The following CSMD1 variants were observed in gnomAD, a reference collection of about 807,000 sequenced individuals.
The protein encoded by CSMD1 is CUB and Sushi multiple domains 1.
A neutral mutation model predicts 417.5 loss-of-function variants in CSMD1; 213 were observed. The ratio of observed to expected loss-of-function variants is 0.51; its 90% confidence interval spans 0.46 to 0.57. The LOEUF (loss-of-function observed/expected upper bound fraction) is 0.57. Among genes scored for constraint, CSMD1 ranks in the 20% least tolerant of loss-of-function variants. The pLI is 0.00. For synonymous variants in CSMD1, 2,862 were observed against 1,736.8 expected (o/e 1.65, Z -16.11); for missense variants, 6,923 against 4,529.7 (o/e 1.53, Z -15.17).
chr8:3,330,479 G>A (rs1806820295), intron 23 of CSMD1, among the ~76,000 whole-genome samples: 1 of 152,192 alleles, frequency 6.6e-6, no homozygotes. Flanking sequence ...ATTATCGTTA[G>A]CAAACTAAGG....
At chr8:3,954,886 G>C (rs1048324272) in intron 5 of CSMD1, among the ~76,000 whole-genome samples, 1 of 152,180 alleles carries the variant, frequency 6.6e-6, no homozygotes, top group African/African-American at 2.4e-5. Flanking sequence ...TTCTGGTGGA[G>C]GGTACGTGGA....
At chr8:3,208,501 G>A (rs966399717) in intron 30 of CSMD1, among the ~76,000 whole-genome samples, 6 of 152,210 alleles carry the variant, frequency 3.9e-5, no homozygotes, top group African/African-American at 2.4e-5. Flanking sequence ...TGTTGACCTC[G>A]TGATCCACCT....
At chr8:4,977,856 C>T (rs896261721) in intron 1 of CSMD1, among the ~76,000 whole-genome samples, 3 of 152,230 alleles carry the variant, frequency 2.0e-5, no homozygotes, top group Admixed American at 2.0e-4. Flanking sequence ...TGACTAAGCA[C>T]AGTGGAAGAA....
intron 2 of CSMD1, among the ~76,000 whole-genome samples, chr8:4,583,800 C>T (rs1355006687): frequency 6.6e-6 from 1 of 152,132 alleles, no homozygotes; most frequent in Non-Finnish European, 1.5e-5. Context: ...AGAATAAAAG[C>T]AGGCTGCCCC....
chr8:3,630,342 C>G (rs1298284301), intron 7 of CSMD1, among the ~76,000 whole-genome samples: 2 of 152,208 alleles, frequency 1.3e-5, no homozygotes, highest in Non-Finnish European at 2.9e-5. Flanking sequence ...TAAAAACCCT[C>G]TTGCCCAGTA....
At chr8:4,173,479 C>G (rs897425390) in intron 3 of CSMD1, among the ~76,000 whole-genome samples, 2 of 151,980 alleles carry the variant, frequency 1.3e-5, no homozygotes, top group Admixed American at 1.3e-4. Flanking sequence ...TAAGTTGGAT[C>G]TAGAGACACA....
chr8:3,839,688 G>A (rs958222169), intron 5 of CSMD1, among the ~76,000 whole-genome samples: 1 of 147,620 alleles, frequency 6.8e-6, no homozygotes, highest in Non-Finnish European at 1.5e-5. Flanking sequence ...TCCTTCATTT[G>A]GGAGCTGTTG....
chr8:3,026,310 G>A (rs1410654502), intron 51 of CSMD1, among the ~76,000 whole-genome samples: 1 of 151,774 alleles, frequency 6.6e-6, no homozygotes, highest in Admixed American at 6.6e-5. Context: ...GCCAGGTTTG[G>A]GAAGCTGATC....
chr8:4,062,376 C>G (rs1799021117), intron 3 of CSMD1, among the ~76,000 whole-genome samples: 1 of 151,926 alleles, frequency 6.6e-6, no homozygotes, highest in Non-Finnish European at 1.5e-5. Context: ...GGCTTTTTCT[C>G]AAGCAATAAG....
rs570034863 is a variant in CSMD1, at chr8:3,813,998, G to A, written c.819-59956C>T. On this transcript the variant is annotated intron_variant, in intron 5 of 69. Coordinates refer to ENST00000635120, the MANE Select transcript of CSMD1 (RefSeq NM_033225.6). ...TTCTTACCTAAGTAAAAGGAGAACC[G>A]TTCAACAGATTAATGCAACAGATTA... 2.6e-5 allele frequency among the ~76,000 whole-genome samples: 4 copies of A among 152,264 alleles called. No individual in the cohort carries two copies. The East Asian group carries it at 7.7e-4, about 29-fold the overall frequency.
chr8:4,897,350 T>C (rs1196044519), intron 1 of CSMD1, among the ~76,000 whole-genome samples: 1 of 152,094 alleles, frequency 6.6e-6, no homozygotes, highest in Non-Finnish European at 1.5e-5. Context: ...ATTGTTTCTA[T>C]AGGCCATGGG....
chr8:4,348,445 C>T (rs1028950536), intron 3 of CSMD1, among the ~76,000 whole-genome samples: 1 of 151,974 alleles, frequency 6.6e-6, no homozygotes, highest in East Asian at 1.9e-4. Context: ...AATATTAGGC[C>T]TTTCTGATCA....
At chr8:4,329,229 A>G (rs1488571402) in intron 3 of CSMD1, among the ~76,000 whole-genome samples, 1 of 152,218 alleles carries the variant, frequency 6.6e-6, no homozygotes, top group Non-Finnish European at 1.5e-5. Flanking sequence ...GGACCTTATC[A>G]GTGTTGACAT....
At chr8:4,787,763 G>C in intron 1 of CSMD1, 1 of 1,582,744 alleles carries the variant, frequency 6.3e-7, no homozygotes, top group Non-Finnish European at 8.7e-7. Flanking sequence ...GCAAAATTTT[G>C]CTTCGCTGGA....
At chr8:3,300,692 C>T (rs924008752) in intron 25 of CSMD1, among the ~76,000 whole-genome samples, 2 of 152,030 alleles carry the variant, frequency 1.3e-5, no homozygotes, top group African/African-American at 4.8e-5. Flanking sequence ...CCTGGTGGCT[C>T]ACGCTTCTAA....
At chr8:3,923,069 C>G (rs115691080) in intron 5 of CSMD1, among the ~76,000 whole-genome samples, 1 of 152,124 alleles carries the variant, frequency 6.6e-6, no homozygotes, top group South Asian at 2.1e-4. Context: ...TTTTGTGTTC[C>G]TGGAGCCCAG....
chr8:4,976,022 CTT>C (rs1810543066), intron 1 of CSMD1, among the ~76,000 whole-genome samples: 1 of 152,260 alleles, frequency 6.6e-6, no homozygotes, highest in South Asian at 2.1e-4. Flanking sequence ...TGGACTGGAG[CTT>C]TTGTTTACTT....
chr8:4,111,295 A>G lies in CSMD1; in HGVS notation c.416-79196T>C, dbSNP rs567554084. ...TATAGATCAGTGAAATCTTATGAGC[A>G]GAAGAATCTGATGGCTGAAGAAAGA... On this transcript the variant is annotated intron_variant, in intron 3 of 69. Coordinates refer to ENST00000635120, the MANE Select transcript of CSMD1 (RefSeq NM_033225.6). Among the ~76,000 whole-genome samples, 38 of 152,334 alleles carry G rather than the reference A, an allele frequency of 2.5e-4. No homozygotes were observed. The East Asian group carries it at 7.3e-3, about 29-fold the overall frequency.
chr8:4,041,825 C>G (rs569150900), intron 3 of CSMD1, among the ~76,000 whole-genome samples: 12 of 152,078 alleles, frequency 7.9e-5, no homozygotes, highest in African/African-American at 2.9e-4. Context: ...AAAAACAAAA[C>G]AAACCCAGAT....
Sources: gnomAD v4.1 joint callset for allele counts (sites outside exome capture counted in the v4.1 genomes callset) on GRCh38, gnomAD v4.1.1 for gene constraint, MANE v1.5 for transcripts, NCBI Gene and HGNC (gene_info 2026-07-23, HGNC 2026-07-21) for gene names.